Variants in ELOVL6 observed in about 807,000 individuals in gnomAD.
ELOVL6 encodes the protein ELOVL fatty acid elongase 6.
ELOVL6 carries 8 observed loss-of-function variants against 31.7 expected under a neutral mutation model. That is an observed-to-expected ratio of 0.25 (90% CI 0.15 to 0.45). The LOEUF (loss-of-function observed/expected upper bound fraction) is 0.45, where lower values mean the gene tolerates loss of function less well. Among genes scored for constraint, ELOVL6 ranks in the 20% least tolerant of loss-of-function variants. The pLI is 1.00. For missense variants in ELOVL6, 126 were observed against 326.4 expected (o/e 0.39, Z 4.73); for synonymous variants, 101 against 117.7 (o/e 0.86, Z 0.92).
intron 1 of ELOVL6, among the ~76,000 whole-genome samples, chr4:110,173,659 C>T (rs1184120388): frequency 5.0e-5 from 5 of 100,758 alleles, no homozygotes; most frequent in Non-Finnish European, 9.8e-5. Context: ...AACTAGAAAT[C>T]AGGTAAAGGA....
chr4:110,068,960 T>G (rs1755384135), intron 2 of ELOVL6, among the ~76,000 whole-genome samples: 1 of 152,008 alleles, frequency 6.6e-6, no homozygotes, highest in Admixed American at 6.6e-5. Context: ...TTGGCTAACA[T>G]GGCGAAACCT....
At chr4:110,142,499 T>G (rs545377372) in intron 1 of ELOVL6, among the ~76,000 whole-genome samples, 37 of 152,340 alleles carry the variant, frequency 2.4e-4, no homozygotes, top group African/African-American at 8.7e-4. Context: ...TGTGTGGAAT[T>G]ACTGCCATTT....
intron 2 of ELOVL6, among the ~76,000 whole-genome samples, chr4:110,094,414 T>TA: frequency 2.0e-5 from 1 of 49,650 alleles, no homozygotes; most frequent in East Asian, 9.6e-4. Flanking sequence ...AATATATATA[T>TA]ATATATATAT....
chr4:110,158,644 T>TAC (rs1293560213), intron 1 of ELOVL6, among the ~76,000 whole-genome samples: 77 of 94,726 alleles, frequency 8.1e-4, no homozygotes, highest in Non-Finnish European at 1.1e-3. Flanking sequence ...TGTATATATA[T>TAC]ATATATATAT....
intron 1 of ELOVL6, among the ~76,000 whole-genome samples, chr4:110,152,325 G>A (rs1382012139): frequency 3.3e-5 from 5 of 152,132 alleles, no homozygotes; most frequent in Admixed American, 6.5e-5. Context: ...CATCTATCAC[G>A]GTAGAGTCTC....
In ELOVL6 at chr4:110,108,129, T is replaced by C. The variant is rs150164852; in HGVS notation, c.90-2501A>G. On this transcript the variant is annotated intron_variant, in intron 1 of 3. Coordinates refer to ENST00000302274, the MANE Select transcript of ELOVL6 (RefSeq NM_024090.3). Reference sequence around the variant, plus strand: ...TCCCATCTTCATGTTTCTACTGTCATATTTTCTGAGCCTGGGAAGCTTTCA... The same window carrying C: ...TCCCATCTTCATGTTTCTACTGTCACATTTTCTGAGCCTGGGAAGCTTTCA... Among the ~76,000 whole-genome samples the C allele has an allele frequency of 1.7e-3, 266 of 152,322 alleles. 2 individuals carry two copies. The highest frequency in any genetic ancestry group is 6.0e-3 in the African/African-American group (248 of 41,578).
intron 3 of ELOVL6, among the ~76,000 whole-genome samples, chr4:110,054,311 C>T (rs970945397): frequency 1.9e-4 from 29 of 152,064 alleles, no homozygotes; most frequent in Non-Finnish European, 3.8e-4. Flanking sequence ...TCAGGAGACC[C>T]GGGATCTACT....
At chr4:110,189,136 TG>T (rs1343213982) in intron 1 of ELOVL6, among the ~76,000 whole-genome samples, 22 of 150,126 alleles carry the variant, frequency 1.5e-4, no homozygotes, top group African/African-American at 4.9e-4. Flanking sequence ...AAAAATTAGT[TG>T]GGCAAGGTGG....
intron 1 of ELOVL6, among the ~76,000 whole-genome samples, chr4:110,124,316 T>C (rs2126255007): frequency 6.6e-6 from 1 of 152,226 alleles, no homozygotes; most frequent in East Asian, 1.9e-4. Context: ...AAATGCCCAC[T>C]AATGATGGAC....
chr4:110,049,006 C>G lies in ELOVL6; in HGVS notation c.*2332G>C, dbSNP rs564310937. The G allele has an allele frequency of 4.6e-5, 7 of 152,280 alleles. No individual in the cohort carries two copies. In the East Asian group the frequency reaches 1.4e-3, roughly 29 times the overall value. The allele number at this position is 152,280 out of a possible 1,614,324, so 9.4% of individuals were successfully genotyped here. On this transcript the variant is annotated 3_prime_UTR_variant, in exon 4 of 4. Coordinates refer to ENST00000302274, the MANE Select transcript of ELOVL6 (RefSeq NM_024090.3). ...TCAACCAGATGAGCCTCCAATGGGT[C>G]CTTCAATTAAATTCAAGTCAACTGT...
chr4:110,053,487 T>G (rs1578440308), intron 3 of ELOVL6, among the ~76,000 whole-genome samples: 2 of 152,324 alleles, frequency 1.3e-5, no homozygotes, highest in East Asian at 3.9e-4. Context: ...TTAAACACTA[T>G]TATTTCATAT....
chr4:110,119,404 T>G (rs1227313839), intron 1 of ELOVL6, among the ~76,000 whole-genome samples: 1 of 152,218 alleles, frequency 6.6e-6, no homozygotes. Flanking sequence ...ATATTAATCA[T>G]CTTTATTAGC....
At chr4:110,078,991 G>C (rs1755745417) in intron 2 of ELOVL6, among the ~76,000 whole-genome samples, 1 of 152,166 alleles carries the variant, frequency 6.6e-6, no homozygotes, top group Non-Finnish European at 1.5e-5. Flanking sequence ...AAGAGACAAA[G>C]AAGGCCATTA....
At chr4:110,181,562 T>C (rs1759274951) in intron 1 of ELOVL6, among the ~76,000 whole-genome samples, 1 of 152,172 alleles carries the variant, frequency 6.6e-6, no homozygotes, top group South Asian at 2.1e-4. Context: ...CAGGTCTTCA[T>C]AGATCTAAGC....
At chr4:110,052,487 G>A (rs11098065) in intron 3 of ELOVL6, among the ~76,000 whole-genome samples, 4,227 of 152,270 alleles carry the variant, frequency 0.028, 235 homozygotes, top group East Asian at 0.16. Flanking sequence ...AGGAGCAATT[G>A]AAAATAACAG....
chr4:110,123,079 C>G (rs751357394), intron 1 of ELOVL6, among the ~76,000 whole-genome samples: 11 of 152,100 alleles, frequency 7.2e-5, no homozygotes, highest in Non-Finnish European at 1.2e-4. Flanking sequence ...TTTGTATGCC[C>G]AGGACTTTAC....
chr4:110,080,543 G>C (rs149463199), intron 2 of ELOVL6, among the ~76,000 whole-genome samples: 5,107 of 152,012 alleles, frequency 0.034, 114 homozygotes, highest in East Asian at 0.11. Flanking sequence ...ATTCAACAGC[G>C]CTTCATGCTA....
At chr4:110,080,838 A>C (rs1185016938) in intron 2 of ELOVL6, among the ~76,000 whole-genome samples, 1 of 152,074 alleles carries the variant, frequency 6.6e-6, no homozygotes, top group Non-Finnish European at 1.5e-5. Flanking sequence ...TATATCTAGA[A>C]AACCCCATCA....
chr4:110,184,410 G>A (rs927575337), intron 1 of ELOVL6, among the ~76,000 whole-genome samples: 2 of 152,168 alleles, frequency 1.3e-5, no homozygotes, highest in African/African-American at 2.4e-5. Flanking sequence ...AGATATAGAT[G>A]GGTGGAGAGA....
Sources: gnomAD v4.1 joint callset for allele counts (sites outside exome capture counted in the v4.1 genomes callset) on GRCh38, gnomAD v4.1.1 for gene constraint, MANE v1.5 for transcripts, NCBI Gene and HGNC (gene_info 2026-07-23, HGNC 2026-07-21) for gene names.